Variants in MAPK10 observed in about 807,000 individuals in gnomAD.
The protein encoded by MAPK10 is JNK3 alpha protein kinase.
A neutral mutation model predicts 59.3 loss-of-function variants in MAPK10; 25 were observed. The ratio of observed to expected loss-of-function variants is 0.42; its 90% CI spans 0.31 to 0.59. The LOEUF (loss-of-function observed/expected upper bound fraction) is 0.59, where lower values mean the gene tolerates loss of function less well. Among genes scored for constraint, MAPK10 ranks in the 20% least tolerant of loss-of-function variants. MAPK10 has a pLI of 0.15. For synonymous variants in MAPK10, 190 were observed against 200.5 expected, an observed-to-expected ratio of 0.95 and a Z score of 0.44; for missense variants, 351 against 568.9, an observed-to-expected ratio of 0.62 and a Z score of 3.90.
chr4:86,266,990 T>A (rs1401523591), intron 2 of MAPK10, among the ~76,000 whole-genome samples: 1 of 152,164 alleles, frequency 6.6e-6, no homozygotes, highest in Middle Eastern at 3.2e-3. Context: ...TTCTTTTAAA[T>A]TGGAGTCCAG....
At chr4:86,581,390 A>T (rs1762251061) in intron 1 of MAPK10, among the ~76,000 whole-genome samples, 1 of 152,208 alleles carries the variant, frequency 6.6e-6, no homozygotes, top group Non-Finnish European at 1.5e-5. Flanking sequence ...AGGCAAAGCA[A>T]TGCAACCTTC....
chr4:86,083,481 G>T (rs2051106182), intron 9 of MAPK10, among the ~76,000 whole-genome samples: 2 of 152,134 alleles, frequency 1.3e-5, no homozygotes, highest in Admixed American at 6.5e-5. Context: ...GCCCACGGAA[G>T]GAGCATTTAA....
intron 11 of MAPK10, among the ~76,000 whole-genome samples, chr4:86,062,277 C>G (rs1480879237): frequency 6.6e-6 from 1 of 152,096 alleles, no homozygotes; most frequent in African/African-American, 2.4e-5. Flanking sequence ...TCTATCAGAT[C>G]CTTCCCCTAA....
chr4:86,258,235 A>G (rs1364400680), intron 2 of MAPK10, among the ~76,000 whole-genome samples: 1 of 152,100 alleles, frequency 6.6e-6, no homozygotes, highest in Non-Finnish European at 1.5e-5. Context: ...TTCATAGACG[A>G]AAGTCATCAT....
chr4:86,066,625 CGTG>C (rs1395532371), intron 10 of MAPK10, among the ~76,000 whole-genome samples: 1 of 151,724 alleles, frequency 6.6e-6, no homozygotes, highest in African/African-American at 2.4e-5. Flanking sequence ...ATTAGCTGGG[CGTG>C]GTGGCGGGCG....
intron 1 of MAPK10, among the ~76,000 whole-genome samples, chr4:86,394,050 C>A (rs934876338): frequency 6.6e-6 from 1 of 152,108 alleles, no homozygotes; most frequent in South Asian, 2.1e-4. Context: ...GTAGGCGGAT[C>A]ACCTGAGGTC....
chr4:86,080,758 GACA>G (rs986271788), intron 9 of MAPK10: 1 of 151,962 alleles, frequency 6.6e-6, no homozygotes, highest in African/African-American at 2.4e-5. Context: ...TTTAAGTCAG[GACA>G]ACAACTATCT....
At chr4:86,565,583 T>C (rs1290380382) in intron 1 of MAPK10, among the ~76,000 whole-genome samples, 1 of 152,214 alleles carries the variant, frequency 6.6e-6, no homozygotes, top group Non-Finnish European at 1.5e-5. Context: ...TTTTCGATAA[T>C]GCTAAGGGAA....
intron 1 of MAPK10, among the ~76,000 whole-genome samples, chr4:86,534,893 G>A (rs11934550): frequency 6.6e-6 from 1 of 152,064 alleles, no homozygotes; most frequent in African/African-American, 2.4e-5. Flanking sequence ...GTGGCAGAGC[G>A]AGACTCTGTC....
At chr4:86,391,134 G>C (rs1189748832) in intron 1 of MAPK10, among the ~76,000 whole-genome samples, 2 of 152,186 alleles carry the variant, frequency 1.3e-5, no homozygotes, top group African/African-American at 4.8e-5. Context: ...TGAAACTAAA[G>C]ATGCATCATT....
chr4:86,522,624 G>T (rs962840492), intron 1 of MAPK10, among the ~76,000 whole-genome samples: 1 of 151,896 alleles, frequency 6.6e-6, no homozygotes, highest in African/African-American at 2.4e-5. Flanking sequence ...CTCTTATTTC[G>T]TTGGTTCTGG....
chr4:86,517,564 C>T (rs969022342), intron 1 of MAPK10, among the ~76,000 whole-genome samples: 1 of 151,986 alleles, frequency 6.6e-6, no homozygotes, highest in Non-Finnish European at 1.5e-5. Context: ...CATGAGCTAC[C>T]GCACCCGGCC....
At chr4:86,277,445 A>G (rs2094619271) in intron 2 of MAPK10, among the ~76,000 whole-genome samples, 1 of 152,122 alleles carries the variant, frequency 6.6e-6, no homozygotes, top group Admixed American at 6.6e-5. Flanking sequence ...ATTAAAATCC[A>G]GGGCTCCAGT....
At chr4:86,399,357 G>T (rs940001779) in intron 1 of MAPK10, among the ~76,000 whole-genome samples, 1 of 152,144 alleles carries the variant, frequency 6.6e-6, no homozygotes. Context: ...GATGACTAAT[G>T]ATGTTGAGCT....
At chr4:86,084,274 C>T (rs1446047398) in intron 9 of MAPK10, among the ~76,000 whole-genome samples, 2 of 152,142 alleles carry the variant, frequency 1.3e-5, no homozygotes, top group South Asian at 2.1e-4. Context: ...GCTCTTGGAC[C>T]GCCTTTCTGG....
At chr4:86,325,264 T>C (rs1578270442) in intron 2 of MAPK10, among the ~76,000 whole-genome samples, 1 of 152,228 alleles carries the variant, frequency 6.6e-6, no homozygotes, top group African/African-American at 2.4e-5. Context: ...AGTTAGTACT[T>C]ACTGACTTTA....
At chr4:86,546,133 G>A (rs1309396736) in intron 1 of MAPK10, among the ~76,000 whole-genome samples, 1 of 152,188 alleles carries the variant, frequency 6.6e-6, no homozygotes, top group Admixed American at 6.5e-5. Flanking sequence ...TGAGGCAGAA[G>A]AATCTATTGA....
In MAPK10 at chr4:86,565,216, T is replaced by C. The variant is rs946364101; in HGVS notation, c.-263+28694A>G. 2.0e-5 allele frequency among the ~76,000 whole-genome samples: 3 copies of C among 152,180 alleles called. No homozygotes were observed. In the East Asian group the frequency reaches 5.8e-4, roughly 29 times the overall value. ...CTTTTAAAAACAGCTCAGAACAATA[T>C]ATTTTTATTGCTGAAATACTGAGTA... is the stretch of plus-strand genomic sequence containing the variant. On this transcript the variant is annotated intron_variant, in intron 1 of 4. Coordinates refer to the MAPK10 transcript ENST00000502302.
At chr4:86,266,682 C>T (rs1489478992) in intron 2 of MAPK10, among the ~76,000 whole-genome samples, 1 of 152,096 alleles carries the variant, frequency 6.6e-6, no homozygotes, top group Non-Finnish European at 1.5e-5. Flanking sequence ...AATAATATCT[C>T]AGTGAATCAT....
Sources: allele counts gnomAD v4.1 joint callset (sites outside exome capture counted in the v4.1 genomes callset), GRCh38; gene constraint gnomAD v4.1.1; transcripts MANE v1.5; gene names NCBI Gene and HGNC (gene_info 2026-07-23, HGNC 2026-07-21).